Variants in MYO18A observed in about 807,000 individuals in gnomAD.
MYO18A encodes unconventional myosin-XVIIIa.
Under a neutral mutation model 235.8 loss-of-function variants are expected in MYO18A, and 78 were observed. The ratio of observed to expected loss-of-function variants is 0.33; its 90% CI spans 0.28 to 0.40. The LOEUF (loss-of-function observed/expected upper bound fraction) is 0.40, where lower values mean the gene tolerates loss of function less well. Ranked by LOEUF, MYO18A falls within the 10% of genes least tolerant of loss-of-function variation. MYO18A has a pLI of 1.00. For synonymous variants in MYO18A, 977 were observed against 1,077.8 expected (o/e 0.91, Z 1.83); for missense variants, 2,215 against 2,699.3 (o/e 0.82, Z 3.98).
intron 2 of MYO18A, chr17:29,129,029 C>T: frequency 7.8e-7 from 1 of 1,289,006 alleles, no homozygotes; most frequent in Non-Finnish European, 1.0e-6. Flanking sequence ...CCACCAATCC[C>T]AGGCCTAACT....
intron 2 of MYO18A, among the ~76,000 whole-genome samples, chr17:29,162,246 C>T (rs777605956): frequency 2.0e-5 from 3 of 152,230 alleles, no homozygotes; most frequent in Non-Finnish European, 4.4e-5. Context: ...TTCCTAAAAC[C>T]TGTTCCTATT....
At chr17:29,135,753 GCAGAATTGCCTAGA>G (rs1293200988) in intron 2 of MYO18A, among the ~76,000 whole-genome samples, 1 of 152,228 alleles carries the variant, frequency 6.6e-6, no homozygotes, top group Non-Finnish European at 1.5e-5. Context: ...TGGCTTTTAT[GCAGAATTGCCTAGA>G]CAGTTTTCCT....
intron 2 of MYO18A, among the ~76,000 whole-genome samples, chr17:29,149,014 C>T (rs536417101): frequency 6.6e-6 from 1 of 152,362 alleles, no homozygotes; most frequent in South Asian, 2.1e-4. Flanking sequence ...CGCCCTGCAG[C>T]GCCGCTGGCG....
chr17:29,154,245 T>C (rs1194527555), intron 2 of MYO18A, among the ~76,000 whole-genome samples: 3 of 151,656 alleles, frequency 2.0e-5, no homozygotes, highest in Admixed American at 2.0e-4. Context: ...GAGGCAAGAG[T>C]GATCAGGCAG....
intron 1 of MYO18A, among the ~76,000 whole-genome samples, chr17:29,176,943 C>G (rs969068660): frequency 6.6e-6 from 1 of 152,224 alleles, no homozygotes; most frequent in African/African-American, 2.4e-5. Flanking sequence ...CCCCGGAAGG[C>G]AGCAATCCCG....
At chr17:29,098,292 G>T in intron 24 of MYO18A, 64 bp downstream of exon 24, 1 of 1,611,742 alleles carries the variant, frequency 6.2e-7, no homozygotes, top group Non-Finnish European at 8.5e-7. Flanking sequence ...ACACCTGGGG[G>T]ACCTGCAGGG....
At position 29,111,312 on chromosome 17, in the gene MYO18A, G is replaced by T; in HGVS notation, c.2900+112C>A. 1 of 1,276,860 alleles carries T rather than the reference G, an allele frequency of 7.8e-7. No homozygotes were observed. Among genetic ancestry groups the T allele is most frequent in the Non-Finnish European group, 1.1e-6 (1 of 922,910 alleles). 79.1% of individuals were successfully genotyped at this position (1,276,860 alleles called of 1,614,324 possible). On this transcript the variant is annotated intron_variant, in intron 17 of 41. Transcript: ENST00000527372. The surrounding 1 kb of genome is among the most constrained non-coding windows in gnomAD (Gnocchi z 5.1). The stretch of plus-strand genomic sequence containing the variant: ...TGGGCTGTTGCCTCTCAGGAATAAA[G>T]GCCATCTACTTTGCTAGTGAGGGGG...
At position 29,134,238 on chromosome 17, in the gene MYO18A, C is replaced by T. The variant is rs147548520; in HGVS notation, c.1000-11985G>A. On this transcript the variant is annotated intron_variant, in intron 2 of 41. Transcript: ENST00000527372. Reference sequence around the variant, plus strand: ...TGCCTCAGCCTCCCCGGCACCAACACGCCCAGCTAATTTTTGTACTTTTTA... The same window carrying T: ...TGCCTCAGCCTCCCCGGCACCAACATGCCCAGCTAATTTTTGTACTTTTTA... Among the ~76,000 whole-genome samples the T allele has an allele frequency of 7.3e-3, 1,105 of 151,340 alleles. 10 individuals carry two copies. Among genetic ancestry groups the T allele is most frequent in the Non-Finnish European group, 0.012 (847 of 67,798 alleles).
chr17:29,133,757 A>G, intron 2 of MYO18A: 1 of 1,275,980 alleles, frequency 7.8e-7, no homozygotes. Flanking sequence ...CAACATGCCA[A>G]GCACACAGGA....
At chr17:29,107,058 C>CTCT in intron 20 of MYO18A, 22 bp downstream of exon 20, 2 of 1,605,562 alleles carry the variant, frequency 1.2e-6, no homozygotes, top group Non-Finnish European at 1.7e-6. Flanking sequence ...AGAGGGAGAG[C>CTCT]GGTCTGGGGA....
intron 1 of MYO18A, among the ~76,000 whole-genome samples, chr17:29,168,798 TA>T (rs1033288406): frequency 2.0e-5 from 3 of 152,174 alleles, no homozygotes; most frequent in Non-Finnish European, 4.4e-5. Context: ...GTGCTGTCCA[TA>T]AGAAATATAA....
intron 19 of MYO18A, among the ~76,000 whole-genome samples, chr17:29,108,271 C>T (rs747375496): frequency 2.6e-5 from 4 of 152,140 alleles, no homozygotes; most frequent in Non-Finnish European, 4.4e-5. Flanking sequence ...CTTGTAGATT[C>T]TCTTTCCCTG....
chr17:29,116,280 CT>C (rs1319084880), intron 11 of MYO18A, among the ~76,000 whole-genome samples, 163 bp downstream of exon 11: 1 of 152,208 alleles, frequency 6.6e-6, no homozygotes, highest in Non-Finnish European at 1.5e-5. Context: ...CTCTTGCCCC[CT>C]GGCATCTGCC....
rs1336523835 is a variant in MYO18A at position 29,121,566 on chromosome 17, G to C, written c.1352C>G (p.Pro451Arg). Residue 451 changes from proline (P) to arginine (R), a missense_variant, in exon 5 of 42, where the codon CCT becomes CGT. Coordinates refer to ENST00000527372, the MANE Select transcript of MYO18A (RefSeq NM_078471.4). The surrounding 1 kb of genome is among the most constrained non-coding windows in gnomAD (Gnocchi z 4.2). Reference sequence around the variant, plus strand: ...CTGCACCTTCTCAGAGTACACAGCAGGGGCCCCACGGGGGCCAAGAACCAG... The same window carrying C: ...CTGCACCTTCTCAGAGTACACAGCACGGGCCCCACGGGGGCCAAGAACCAG... ...SLLVLGPRGA[P>R]AVYSEKVMHM... 6.2e-7 allele frequency: 1 copy of C among 1,604,150 alleles called. No homozygotes were observed.
chr17:29,131,993 C>A (rs1467887023), intron 2 of MYO18A, among the ~76,000 whole-genome samples: 1 of 152,244 alleles, frequency 6.6e-6, no homozygotes, highest in Non-Finnish European at 1.5e-5. Context: ...CAGCTGAGAT[C>A]TTGCTGGAGG....
At chr17:29,083,532 G>GCGCACA (rs796363036) in intron 40 of MYO18A, among the ~76,000 whole-genome samples, 3 of 144,664 alleles carry the variant, frequency 2.1e-5, no homozygotes, top group Non-Finnish European at 3.0e-5. Context: ...GCGCGCGCGC[G>GCGCACA]CACACACACA....
chr17:29,109,948 C>T lies in MYO18A; in HGVS notation c.3241G>A (p.Glu1081Lys), dbSNP rs368554128. Reference protein sequence around the residue: ...ELDLPSGDHCEAGLLQLDVPL... With the variant: ...ELDLPSGDHCKAGLLQLDVPL... Reference sequence around the variant, plus strand: ...ACGTCGAGCTGCAGGAGCCCAGCCTCGCAGTGGTCTCCCGAGGGCAGGTCC... The same window carrying T: ...ACGTCGAGCTGCAGGAGCCCAGCCTTGCAGTGGTCTCCCGAGGGCAGGTCC... Residue 1081 changes from glutamate (E) to lysine (K), a missense_variant, in exon 19 of 42, where the codon GAG (glutamate) becomes AAG (lysine). Physicochemically the swap from Glu to Lys is moderately conservative, Grantham distance 56. Coordinates refer to ENST00000527372, the MANE Select transcript of MYO18A (RefSeq NM_078471.4). The surrounding 1 kb of genome is among the most constrained non-coding windows in gnomAD (Gnocchi z 4.1). 9.3e-5 allele frequency: 149 copies of T among 1,607,162 alleles called. 1 individual carries two copies. The highest frequency in any genetic ancestry group is 6.8e-5 in the Admixed American group (4 of 59,108).
At position 29,090,815 on chromosome 17, in the gene MYO18A, C is replaced by G; in HGVS notation, c.5299G>C (p.Ala1767Pro). 1 of 1,613,672 alleles carries G rather than the reference C, an allele frequency of 6.2e-7. No homozygotes were observed. The highest frequency in any genetic ancestry group is 8.5e-7 in the Non-Finnish European group (1 of 1,179,596). Residue 1767 changes from alanine (A) to proline (P), a missense_variant, in exon 35 of 42, where the codon GCT (alanine) becomes CCT (proline). Coordinates refer to ENST00000527372, the MANE Select transcript of MYO18A (RefSeq NM_078471.4). Reference protein sequence around the residue: ...ELMKKHKAAVAQASRDLAQIN... With the variant: ...ELMKKHKAAVPQASRDLAQIN... ...GGCACTCCTGGCAGGGGTACCTGAG[C>G]CACGGCAGCCTTGTGCTTCTTCATC...
At chr17:29,107,613 A>G (rs2066822584) in intron 19 of MYO18A, 1 of 154,614 alleles carries the variant, frequency 6.5e-6, no homozygotes, top group East Asian at 1.9e-4. Flanking sequence ...TAAAAAAAAA[A>G]AAAAAAAAAA....
Sources: gnomAD v4.1 joint callset for allele counts (sites outside exome capture counted in the v4.1 genomes callset) on GRCh38, gnomAD v4.1.1 for gene constraint, Gnocchi (gnomAD v3.1) non-coding constraint, MANE v1.5 for transcripts, NCBI Gene and HGNC (gene_info 2026-07-23, HGNC 2026-07-21) for gene names.